Variants in TRPC6 observed in about 807,000 individuals in gnomAD.
TRPC6 encodes the protein transient receptor potential cation channel subfamily C member 6.
A neutral mutation model predicts 90.7 loss-of-function variants in TRPC6; 55 were observed. That is an observed-to-expected ratio of 0.61 (90% CI 0.49 to 0.76). The LOEUF (loss-of-function observed/expected upper bound fraction) is 0.76. TRPC6 is among the 30% of genes least tolerant of loss of function. The pLI is 0.00. For synonymous variants in TRPC6, 393 were observed against 393.0 expected (o/e 1.00, Z 0.00); for missense variants, 989 against 1,122.7 (o/e 0.88, Z 1.70).
intron 1 of TRPC6, among the ~76,000 whole-genome samples, chr11:101,544,440 T>C (rs530457796): frequency 4.8e-4 from 73 of 152,328 alleles, no homozygotes; most frequent in African/African-American, 1.6e-3. Context: ...CATATGTTTA[T>C]TGTGGCAATG....
chr11:101,541,003 A>C (rs909033321), intron 1 of TRPC6, among the ~76,000 whole-genome samples: 6 of 152,224 alleles, frequency 3.9e-5, no homozygotes, highest in Non-Finnish European at 7.3e-5. Context: ...AAACAAAATC[A>C]GGCTAGAAAT....
intron 9 of TRPC6, among the ~76,000 whole-genome samples, chr11:101,470,819 TC>T (rs1565206484): frequency 4.8e-5 from 1 of 20,696 alleles, no homozygotes; most frequent in Non-Finnish European, 7.6e-5. Context: ...CCCCCCCCCC[TC>T]CCCGAGTCAT....
chr11:101,471,499 C>T (rs1001425984), intron 8 of TRPC6, 113 bp from the exon 9 acceptor site: 104 of 1,087,780 alleles, frequency 9.6e-5, no homozygotes, highest in Non-Finnish European at 1.3e-4. Context: ...CTCTCAGACC[C>T]CAGTGATCGT....
Position 101,555,051 on chromosome 11 carries a change from C to A in TRPC6, c.170+28283G>T, listed in dbSNP as rs563296430. Among the ~76,000 whole-genome samples, 62 of 152,226 alleles carry A rather than the reference C, an allele frequency of 4.1e-4. 1 individual carries two copies. The Middle Eastern group carries it at 0.014, about 33-fold the overall frequency. ...AGGTAATTTCAGTGCTATGACACTG[C>A]GGTCTGATAGTCACTGAGCCCTCAC... On this transcript the variant is annotated intron_variant, in intron 1 of 12. Coordinates refer to ENST00000344327, the MANE Select transcript of TRPC6 (RefSeq NM_004621.6).
At chr11:101,522,883 T>G (rs1207203204) in intron 1 of TRPC6, among the ~76,000 whole-genome samples, 1 of 152,194 alleles carries the variant, frequency 6.6e-6, no homozygotes. Flanking sequence ...CCATAAAATT[T>G]GTAAAGCTCT....
intron 9 of TRPC6, among the ~76,000 whole-genome samples, chr11:101,470,794 A>C (rs2136667920): frequency 8.4e-6 from 1 of 119,408 alleles, no homozygotes; most frequent in South Asian, 3.0e-4. Context: ...CTAAGAGTTA[A>C]TCAAGTTGCC....
At chr11:101,571,252 A>G (rs1260822427) in intron 1 of TRPC6, among the ~76,000 whole-genome samples, 1 of 152,194 alleles carries the variant, frequency 6.6e-6, no homozygotes, top group Non-Finnish European at 1.5e-5. Flanking sequence ...CCAAATCATG[A>G]GTGAACTCCC....
chr11:101,507,935 G>A (rs1415968115), intron 1 of TRPC6, among the ~76,000 whole-genome samples: 1 of 151,722 alleles, frequency 6.6e-6, no homozygotes, highest in Non-Finnish European at 1.5e-5. Context: ...TCCTGTAATT[G>A]TCCTTTAATT....
At chr11:101,517,615 G>A (rs891947127) in intron 1 of TRPC6, among the ~76,000 whole-genome samples, 15 of 152,122 alleles carry the variant, frequency 9.9e-5, no homozygotes, top group African/African-American at 1.9e-4. Context: ...AATAATGATA[G>A]AACCACAAGT....
In TRPC6 at chr11:101,478,625, A is replaced by G. The variant is rs546383642; in HGVS notation, c.1511-2091T>C. Among the ~76,000 whole-genome samples, 72 of 151,858 alleles carry G rather than the reference A, an allele frequency of 4.7e-4. 1 individual carries two copies. The highest frequency in any genetic ancestry group is 9.4e-4 in the Non-Finnish European group (64 of 67,984). On this transcript the variant is annotated intron_variant, in intron 5 of 12. Coordinates refer to ENST00000344327, the MANE Select transcript of TRPC6 (RefSeq NM_004621.6). ...AGTTCGTGTCTCATTTGTCCTGAGGACCCCTGAGAGCTGCCAAGGAGAGTT... is the reference window on the plus strand; with the variant it reads ...AGTTCGTGTCTCATTTGTCCTGAGGGCCCCTGAGAGCTGCCAAGGAGAGTT...
intron 2 of TRPC6, 147 bp downstream of exon 2, chr11:101,503,877 G>C: frequency 9.9e-7 from 1 of 1,010,182 alleles, no homozygotes; most frequent in East Asian, 2.5e-5. Flanking sequence ...TTGCTACAAT[G>C]ATTATAATAA....
At chr11:101,476,559 T>C (rs757413069) in intron 5 of TRPC6, 25 bp from the exon 6 acceptor site, 2 of 1,569,398 alleles carry the variant, frequency 1.3e-6, no homozygotes, top group South Asian at 2.2e-5. Context: ...GGTTAAAATA[T>C]CAATTCAATC....
chr11:101,524,496 A>C (rs148760869), intron 1 of TRPC6, among the ~76,000 whole-genome samples: 1,576 of 152,306 alleles, frequency 0.01, 39 homozygotes, highest in African/African-American at 0.036. Context: ...TGATCCACCC[A>C]TCTCGGCCTC....
chr11:101,547,944 T>C (rs1680247287), intron 1 of TRPC6, among the ~76,000 whole-genome samples: 1 of 152,108 alleles, frequency 6.6e-6, no homozygotes, highest in Admixed American at 6.6e-5. Flanking sequence ...GTAACTGTTA[T>C]GTCAATACAT....
At chr11:101,490,054 A>G (rs936152999) in intron 3 of TRPC6, among the ~76,000 whole-genome samples, 1 of 152,202 alleles carries the variant, frequency 6.6e-6, no homozygotes, top group African/African-American at 2.4e-5. Context: ...CCTAAAAATA[A>G]AAATTTGACA....
chr11:101,508,189 G>C lies in TRPC6; in HGVS notation c.171-3391C>G, dbSNP rs77785590. Among the ~76,000 whole-genome samples, 160 of 152,090 alleles carry C rather than the reference G, an allele frequency of 1.1e-3. 1 individual carries two copies. The East Asian group carries it at 0.03, about 28-fold the overall frequency. On this transcript the variant is annotated intron_variant, in intron 1 of 12. Transcript: ENST00000344327. The stretch of plus-strand genomic sequence containing the variant: ...ATCACAATTTAGAGAACTTACTCCT[G>C]AGTTGCTTTTTTATGTTTGTTTGCT...
chr11:101,515,526 T>G (rs939009260), intron 1 of TRPC6, among the ~76,000 whole-genome samples: 4 of 152,198 alleles, frequency 2.6e-5, no homozygotes, highest in Non-Finnish European at 5.9e-5. Flanking sequence ...AGACACAAAA[T>G]GTTTTATGCA....
intron 1 of TRPC6, among the ~76,000 whole-genome samples, chr11:101,565,812 G>A (rs999745121): frequency 4.6e-5 from 7 of 151,878 alleles, no homozygotes; most frequent in Admixed American, 1.3e-4. Flanking sequence ...GTTTGTTCTT[G>A]GATAAATACA....
At chr11:101,551,686 A>G (rs1360681181) in intron 1 of TRPC6, among the ~76,000 whole-genome samples, 1 of 151,940 alleles carries the variant, frequency 6.6e-6, no homozygotes, top group African/African-American at 2.4e-5. Context: ...CCTAAAATTC[A>G]ATTATTTACA....
Sources: allele counts gnomAD v4.1 joint callset (sites outside exome capture counted in the v4.1 genomes callset), GRCh38; gene constraint gnomAD v4.1.1; transcripts MANE v1.5; gene names NCBI Gene and HGNC (gene_info 2026-07-23, HGNC 2026-07-21).